The following ULK4 variants were observed in gnomAD, a reference collection of about 807,000 sequenced individuals.
ULK4 encodes the protein inactive serine/threonine-protein kinase ULK4.
A neutral mutation model predicts 160.6 loss-of-function variants in ULK4; 133 were observed. That is an observed-to-expected ratio of 0.83 (90% CI 0.72 to 0.96). The LOEUF (loss-of-function observed/expected upper bound fraction) is 0.96. Ranked by LOEUF, ULK4 falls within the 40% of genes least tolerant of loss-of-function variation. The probability of loss-of-function intolerance (pLI) is 0.00; values close to 1 mark genes in which losing one functional copy is unlikely to be tolerated. For synonymous variants in ULK4, 534 were observed against 539.8 expected (o/e 0.99, Z 0.15); for missense variants, 1,580 against 1,499.5 (o/e 1.05, Z -0.89).
chr3:41,954,528 T>C (rs1700419464), intron 2 of ULK4, 94 bp downstream of exon 2: 1 of 1,399,180 alleles, frequency 7.1e-7, no homozygotes, highest in African/African-American at 1.4e-5. Flanking sequence ...TGGCATTTGA[T>C]ATATCAAATT....
intron 31 of ULK4, among the ~76,000 whole-genome samples, chr3:41,578,526 T>C (rs1490370137): frequency 6.6e-6 from 1 of 152,204 alleles, no homozygotes; most frequent in African/African-American, 2.4e-5. Context: ...ATTCCAGGAA[T>C]TTTTCATCTC....
chr3:41,751,751 A>C (rs2038637633), intron 22 of ULK4, among the ~76,000 whole-genome samples: 1 of 152,224 alleles, frequency 6.6e-6, no homozygotes, highest in African/African-American at 2.4e-5. Context: ...TAGCATCATC[A>C]GAGTGGCTCT....
At chr3:41,415,208 C>T (rs1390995827) in intron 34 of ULK4, among the ~76,000 whole-genome samples, 2 of 152,072 alleles carry the variant, frequency 1.3e-5, no homozygotes. Flanking sequence ...TTTCGGAAAC[C>T]ACAGAGGATA....
intron 11 of ULK4, among the ~76,000 whole-genome samples, chr3:41,909,776 C>T (rs1188905637): frequency 6.6e-6 from 1 of 152,146 alleles, no homozygotes; most frequent in East Asian, 1.9e-4. Context: ...GATAAACATA[C>T]ATTACATTTA....
chr3:41,366,397 A>G (rs2081255114), intron 35 of ULK4, among the ~76,000 whole-genome samples: 1 of 152,122 alleles, frequency 6.6e-6, no homozygotes, highest in Admixed American at 6.6e-5. Flanking sequence ...TCCCTAGAAA[A>G]TATGTGCTTC....
chr3:41,513,590 G>T (rs1654490612), intron 32 of ULK4, among the ~76,000 whole-genome samples: 1 of 152,210 alleles, frequency 6.6e-6, no homozygotes, highest in African/African-American at 2.4e-5. Flanking sequence ...CCAAGATCCT[G>T]CCACTGCACT....
chr3:41,776,584 G>GGGCCAGATGCCGTGGCTCACATCTGC (rs1553650530), intron 21 of ULK4, among the ~76,000 whole-genome samples: 13 of 146,460 alleles, frequency 8.9e-5, no homozygotes, highest in South Asian at 2.1e-4. Context: ...GGTACAAAAT[G>GGGCCAGATGCCGTGGCTCACATCTGC]AAATACGTCC....
At position 41,446,319 on chromosome 3, in the gene ULK4, G is replaced by A. The variant is rs181288989; in HGVS notation, c.3492+9178C>T. 1.3e-4 allele frequency among the ~76,000 whole-genome samples: 20 copies of A among 152,196 alleles called. No homozygotes were observed. The East Asian group carries it at 2.5e-3, about 19-fold the overall frequency. ...CAACCATTGTGGAAGTCAGTGTGGC[G>A]ATTCCTCAGGGATCTAGAACTAGAA... is the stretch of plus-strand genomic sequence containing the variant. On this transcript the variant is annotated intron_variant, in intron 34 of 36. Coordinates refer to ENST00000301831, the MANE Select transcript of ULK4 (RefSeq NM_017886.4).
chr3:41,933,017 C>A (rs1376712468), intron 4 of ULK4, among the ~76,000 whole-genome samples: 1 of 152,182 alleles, frequency 6.6e-6, no homozygotes, highest in East Asian at 1.9e-4. Context: ...GCACTCCAGC[C>A]TGCATGAGAG....
At chr3:41,589,690 A>G (rs2031132127) in intron 31 of ULK4, among the ~76,000 whole-genome samples, 1 of 152,208 alleles carries the variant, frequency 6.6e-6, no homozygotes, top group African/African-American at 2.4e-5. Context: ...CTAAAAAGTT[A>G]AAATAATCTA....
intron 12 of ULK4, among the ~76,000 whole-genome samples, chr3:41,902,857 A>T (rs1486437667): frequency 2.0e-5 from 3 of 152,248 alleles, no homozygotes; most frequent in Non-Finnish European, 4.4e-5. Context: ...AGATTAAAAC[A>T]AACAAGCTTT....
intron 15 of ULK4, 31 bp from the exon 16 acceptor site, chr3:41,895,595 GA>G: frequency 7.1e-7 from 1 of 1,404,134 alleles, no homozygotes; most frequent in Non-Finnish European, 9.5e-7. Flanking sequence ...GTAAAGAAAA[GA>G]AAAAATTAAA....
At chr3:41,454,043 G>A in intron 34 of ULK4, among the ~76,000 whole-genome samples, 1 of 90,800 alleles carries the variant, frequency 1.1e-5, no homozygotes, top group Non-Finnish European at 2.1e-5. Flanking sequence ...GGGGGGAGGG[G>A]GGAGGGATAG....
chr3:41,588,621 C>T (rs2031011758), intron 31 of ULK4, among the ~76,000 whole-genome samples: 1 of 152,158 alleles, frequency 6.6e-6, no homozygotes, highest in South Asian at 2.1e-4. Flanking sequence ...GACAAGTGCA[C>T]AGACCCATTT....
intron 35 of ULK4, among the ~76,000 whole-genome samples, chr3:41,380,121 A>G (rs1215348355): frequency 6.6e-6 from 1 of 152,186 alleles, no homozygotes; most frequent in African/African-American, 2.4e-5. Context: ...TTGATGAGTG[A>G]GGGTCTGACA....
chr3:41,902,582 A>G (rs1235195516), intron 12 of ULK4, among the ~76,000 whole-genome samples: 4 of 147,114 alleles, frequency 2.7e-5, no homozygotes, highest in Non-Finnish European at 6.0e-5. Flanking sequence ...CACCAAAAAA[A>G]AAAAAGAAAA....
At chr3:41,414,115 C>T (rs547016239) in intron 34 of ULK4, among the ~76,000 whole-genome samples, 7 of 152,312 alleles carry the variant, frequency 4.6e-5, no homozygotes, top group East Asian at 1.9e-4. Flanking sequence ...GCAGGAGAAT[C>T]GCTTGAACCT....
At chr3:41,259,407 T>C (rs1037249199) in intron 35 of ULK4, among the ~76,000 whole-genome samples, 1 of 152,166 alleles carries the variant, frequency 6.6e-6, no homozygotes, top group Admixed American at 6.5e-5. Context: ...CTATGCCCCC[T>C]GATAATGGCA....
chr3:41,946,741 GATC>G (rs2148836215), intron 2 of ULK4, among the ~76,000 whole-genome samples: 1 of 152,280 alleles, frequency 6.6e-6, no homozygotes, highest in African/African-American at 2.4e-5. Flanking sequence ...TCTCTGTTGT[GATC>G]AGGTTTCCAT....
Sources: allele counts gnomAD v4.1 joint callset (sites outside exome capture counted in the v4.1 genomes callset), GRCh38; gene constraint gnomAD v4.1.1; transcripts MANE v1.5; gene names NCBI Gene and HGNC (gene_info 2026-07-23, HGNC 2026-07-21).